The following FAM114A1 variants were observed in gnomAD, a reference collection of about 807,000 sequenced individuals.
FAM114A1 encodes family with sequence similarity 114 member A1, also known as protein NOXP20.
Under a neutral mutation model 64.3 loss-of-function variants are expected in FAM114A1, and 62 were observed. The observed-to-expected ratio is 0.96, with a 90% CI of 0.79 to 1.19. The LOEUF (loss-of-function observed/expected upper bound fraction) is 1.19, where lower values mean the gene tolerates loss of function less well. FAM114A1 is among the 50% of genes most tolerant of loss of function. The pLI is 0.00. For synonymous variants in FAM114A1, 254 were observed against 251.1 expected (o/e 1.01, Z -0.11); for missense variants, 645 against 676.3 (o/e 0.95, Z 0.51).
chr4:38,910,359 T>A (rs966432883), intron 7 of FAM114A1, among the ~76,000 whole-genome samples: 1 of 152,196 alleles, frequency 6.6e-6, no homozygotes. Flanking sequence ...AGGTTTACCT[T>A]TCGCTCTCAC....
chr4:38,929,594 A>G (rs1456648667), intron 10 of FAM114A1, among the ~76,000 whole-genome samples: 1 of 152,232 alleles, frequency 6.6e-6, no homozygotes, highest in Non-Finnish European at 1.5e-5. Context: ...CCTGGCCAAC[A>G]TGGTGAAATT....
Position 38,931,501 on chromosome 4 carries a change from A to G in FAM114A1, c.1212A>G (p.Ser404=), listed in dbSNP as rs766397632. The change falls in exon 11 of 15, where the codon TCA becomes TCG. Residue 404 remains serine, a synonymous_variant. Coordinates refer to ENST00000358869, the MANE Select transcript of FAM114A1 (RefSeq NM_138389.4). ...DWVEEDQTVV[S]VDVAKVSEEE... ...TGGAAGAGGATCAAACCGTGGTGTC[A>G]GTAGATGTGGCAAAAGTGTCCGAAG... 3 of 1,614,150 alleles carry G rather than the reference A, an allele frequency of 1.9e-6. No individual in the cohort carries two copies. In the South Asian group the frequency reaches 3.3e-5, roughly 18 times the overall value.
intron 2 of FAM114A1, among the ~76,000 whole-genome samples, chr4:38,873,833 G>A (rs1714344351): frequency 1.3e-5 from 2 of 152,158 alleles, no homozygotes; most frequent in Non-Finnish European, 2.9e-5. Context: ...ACTAGCTGAA[G>A]CATGTGGCCT....
intron 7 of FAM114A1, among the ~76,000 whole-genome samples, chr4:38,912,936 C>CT (rs1157536642): frequency 1.3e-5 from 2 of 152,176 alleles, no homozygotes; most frequent in Non-Finnish European, 2.9e-5. Flanking sequence ...GTTTGAAAAA[C>CT]TTTAAGATTC....
At chr4:38,876,236 C>T (rs1714623675) in intron 2 of FAM114A1, among the ~76,000 whole-genome samples, 1 of 139,228 alleles carries the variant, frequency 7.2e-6, no homozygotes, top group Non-Finnish European at 1.5e-5. Context: ...GTGACACGAT[C>T]TCAGCTCACT....
chr4:38,876,918 T>C (rs1313738920), intron 2 of FAM114A1, among the ~76,000 whole-genome samples: 1 of 152,264 alleles, frequency 6.6e-6, no homozygotes, highest in Non-Finnish European at 1.5e-5. Context: ...TTTTCCTCTT[T>C]GTAATCAAAT....
intron 6 of FAM114A1, among the ~76,000 whole-genome samples, chr4:38,907,122 T>C (rs572462567): frequency 1.3e-5 from 2 of 152,186 alleles, no homozygotes; most frequent in South Asian, 4.1e-4. Flanking sequence ...ATGCCAGAAA[T>C]ATAGAAAATG....
intron 12 of FAM114A1, among the ~76,000 whole-genome samples, chr4:38,933,862 CT>C (rs1430684714): frequency 2.0e-5 from 3 of 152,198 alleles, no homozygotes; most frequent in African/African-American, 7.2e-5. Flanking sequence ...TTGCTTATTA[CT>C]GCTTTGACAT....
chr4:38,932,287 T>TAAAGTAGCTTTA lies in FAM114A1; in HGVS notation c.1376_1377insAAAGTAGCTTTA (p.Ile459_Glu460insLysTer). ...CTGGCGGAGGTAACAGCGCGCTGTA[T>TAAAGTAGCTTTA]TGAGCAGCTTCATAAAGTAGCAGAA... On this transcript the variant is annotated stop_gained and inframe_insertion, in exon 12 of 15. Coordinates refer to ENST00000358869, the MANE Select transcript of FAM114A1 (RefSeq NM_138389.4). LOFTEE classifies it high-confidence loss of function. 6.2e-7 allele frequency: 1 copy of TAAAGTAGCTTTA among 1,613,950 alleles called. No homozygotes were observed. The highest frequency in any genetic ancestry group is 8.5e-7 in the Non-Finnish European group (1 of 1,179,976).
rs776427583 is a variant in FAM114A1 at position 38,908,698 on chromosome 4, T to C, written c.764T>C (p.Leu255Pro). The change falls in exon 7 of 15, where the codon CTC becomes CCC. Residue 255 changes from leucine (L) to proline (P), a missense_variant. Physicochemically the swap from Leu to Pro is moderately conservative, Grantham distance 98 (BLOSUM62 -3). Coordinates refer to ENST00000358869, the MANE Select transcript of FAM114A1 (RefSeq NM_138389.4). ...CCGGGCTTTAAGCGGACCAAGACGC[T>C]CATGGAGAGAACTGTTTCCTTGTCT... ...SDPGFKRTKT[L>P]MERTVSLSQM... 4 of 1,611,120 alleles carry C rather than the reference T, an allele frequency of 2.5e-6. No homozygotes were observed. The highest frequency in any genetic ancestry group is 4.5e-5 in the East Asian group (2 of 44,852).
At chr4:38,922,700 G>A (rs1719717598) in intron 8 of FAM114A1, 70 bp from the exon 9 acceptor site, 1 of 1,531,370 alleles carries the variant, frequency 6.5e-7, no homozygotes, top group African/African-American at 1.4e-5. Flanking sequence ...GAAAACTGGG[G>A]ACCGCTGTGT....
chr4:38,916,915 G>A (rs1020006251), intron 8 of FAM114A1, among the ~76,000 whole-genome samples: 34 of 152,114 alleles, frequency 2.2e-4, no homozygotes, highest in African/African-American at 8.2e-4. Context: ...TGACAACAAT[G>A]GCTTTGCATT....
At chr4:38,904,187 G>A (rs1189811371) in intron 4 of FAM114A1, among the ~76,000 whole-genome samples, 1 of 152,140 alleles carries the variant, frequency 6.6e-6, no homozygotes, top group Non-Finnish European at 1.5e-5. Context: ...CATTTTCTCC[G>A]TGAGTGCTCG....
At chr4:38,941,192 T>C (rs1247153988) in intron 14 of FAM114A1, among the ~76,000 whole-genome samples, 171 bp downstream of exon 14, 2 of 152,032 alleles carry the variant, frequency 1.3e-5, no homozygotes, top group Admixed American at 6.6e-5. Flanking sequence ...AACCCTCTGA[T>C]GAAGCAACAA....
rs1376542912 is a variant in FAM114A1, at chr4:38,926,457, C to CT, written c.1070-2771dup. Among the ~76,000 whole-genome samples, 724 of 144,990 alleles carry CT rather than the reference C, an allele frequency of 5.0e-3. 4 individuals are homozygous for CT. Among genetic ancestry groups the CT allele is most frequent in the Admixed American group, 0.017 (249 of 14,424 alleles). On this transcript the variant is annotated intron_variant, in intron 9 of 14. Coordinates refer to ENST00000358869, the MANE Select transcript of FAM114A1 (RefSeq NM_138389.4). Reference sequence around the variant, plus strand: ...CTAGCTCTGTCTCTCTCTCTCTCCCCTTTTTTTTTTTTTTCCAGATAGAGT... The same window carrying CT: ...CTAGCTCTGTCTCTCTCTCTCTCCCCTTTTTTTTTTTTTTTCCAGATAGAGT...
intron 4 of FAM114A1, among the ~76,000 whole-genome samples, chr4:38,904,164 G>A (rs185291083): frequency 2.0e-5 from 3 of 152,242 alleles, no homozygotes; most frequent in East Asian, 1.9e-4. Flanking sequence ...CCCAGGTCCC[G>A]AGAGAAATCT....
rs1269840685 is a variant in FAM114A1, at chr4:38,869,806, T to TA, written c.-9+1267dup. 8.6e-5 allele frequency among the ~76,000 whole-genome samples: 13 copies of TA among 151,792 alleles called. No homozygotes were observed. The East Asian group carries it at 1.3e-3, about 16-fold the overall frequency. On this transcript the variant is annotated intron_variant, in intron 2 of 14. Coordinates refer to ENST00000358869, the MANE Select transcript of FAM114A1 (RefSeq NM_138389.4). ...TGCTGCCAAGTCAGGCCATTTTTTT[T>TA]AAAAAAATCCATCCACTGTCACTAT...
At chr4:38,926,319 G>A (rs543989321) in intron 9 of FAM114A1, among the ~76,000 whole-genome samples, 6 of 152,312 alleles carry the variant, frequency 3.9e-5, no homozygotes, top group South Asian at 2.1e-4. Context: ...AGACCTTGTC[G>A]ATGCTGCCCA....
rs1429168236 is a variant in FAM114A1 at position 38,868,535 on chromosome 4, C to T, written c.-20C>T. On this transcript the variant is annotated 5_prime_UTR_variant, in exon 2 of 15. Coordinates refer to ENST00000358869, the MANE Select transcript of FAM114A1 (RefSeq NM_138389.4). ...CTCCACCCAGTCGGCTAGCCCTCGC[C>T]TCTGCCATCCGGTGAGTATTTCCAG... is the stretch of plus-strand genomic sequence containing the variant. The T allele has an allele frequency of 6.5e-6, 1 of 152,702 alleles. No individual in the cohort carries two copies. The highest frequency in any genetic ancestry group is 1.5e-5 in the Non-Finnish European group (1 of 68,412). The allele number at this position is 152,702 out of a possible 1,614,324, so 9.5% of individuals were successfully genotyped here. A position where few individuals can be genotyped will look rare whatever the true frequency, so the allele number is the denominator to read the frequency against.
Sources: allele counts gnomAD v4.1 joint callset (sites outside exome capture counted in the v4.1 genomes callset), GRCh38; gene constraint gnomAD v4.1.1; transcripts MANE v1.5; gene names NCBI Gene and HGNC (gene_info 2026-07-23, HGNC 2026-07-21).